CEP76: variants seen among roughly 807,000 people sequenced by gnomAD.
CEP76 encodes the protein centrosomal protein 76.
CEP76 carries 55 observed loss-of-function variants against 83.3 expected under a neutral mutation model. That is an observed-to-expected ratio of 0.66 (90% confidence interval 0.53 to 0.83). The LOEUF (loss-of-function observed/expected upper bound fraction) is 0.83, where lower values mean the gene tolerates loss of function less well. CEP76 is among the 40% of genes least tolerant of loss of function. The pLI is 0.00. For synonymous variants in CEP76, 270 were observed against 274.5 expected (o/e 0.98, Z 0.16); for missense variants, 694 against 799.5 (o/e 0.87, Z 1.59).
chr18:12,684,960 T>C (rs1279801309), intron 8 of CEP76: 4 of 152,098 alleles, frequency 2.6e-5, no homozygotes, highest in Non-Finnish European at 5.9e-5. Context: ...CAATTCAAGA[T>C]TTTTTTCTAT....
rs759087397 is a variant in CEP76 at position 12,700,967 on chromosome 18, ATTAAG to A, written c.205_209del (p.Leu69PhefsTer4). On this transcript the variant is annotated frameshift_variant, in exon 2 of 12. Transcript: ENST00000262127. LOFTEE classifies it high-confidence loss of function. ...CTAAAAGATTACTCACAGTAACAAA[ATTAAG>A]TTCTTTCATCACATCGTCAATGATT... 6.2e-7 allele frequency: 1 copy of A among 1,612,948 alleles called. No individual in the cohort carries two copies. Among genetic ancestry groups the A allele is most frequent in the Admixed American group, 1.7e-5 (1 of 59,852 alleles).
At chr18:12,681,125 G>A (rs1874829466) in intron 8 of CEP76, among the ~76,000 whole-genome samples, 2 of 151,396 alleles carry the variant, frequency 1.3e-5, no homozygotes, top group Admixed American at 6.6e-5. Context: ...GTGAACTTGG[G>A]AGGCGGAGGT....
intron 10 of CEP76, among the ~76,000 whole-genome samples, chr18:12,677,317 AATCCC>A (rs1188545591): frequency 1.3e-5 from 2 of 152,024 alleles, no homozygotes; most frequent in Non-Finnish European, 2.9e-5. Flanking sequence ...ACATGTCTAT[AATCCC>A]AGTTATTCAG....
chr18:12,673,722 A>C (rs45589535), intron 11 of CEP76, among the ~76,000 whole-genome samples: 181 of 151,878 alleles, frequency 1.2e-3, no homozygotes, highest in African/African-American at 4.3e-3. Context: ...TCTACTAAAA[A>C]TTACAAAAAT....
Position 12,700,012 on chromosome 18 carries a change from G to C in CEP76, c.220-107C>G. 3 of 569,128 alleles carry C rather than the reference G, an allele frequency of 5.3e-6. No individual in the cohort carries two copies. In the Admixed American group the frequency reaches 1.2e-4, roughly 23 times the overall value. 35.3% of individuals were successfully genotyped at this position (569,128 alleles called of 1,614,324 possible). A position where few individuals can be genotyped will look rare whatever the true frequency, so the allele number is the denominator to read the frequency against. On this transcript the variant is annotated intron_variant, in intron 2 of 11. Coordinates refer to ENST00000262127, the MANE Select transcript of CEP76 (RefSeq NM_024899.4). The stretch of plus-strand genomic sequence containing the variant: ...CTGAACCTAAAGTCAACAGGGTAAG[G>C]CCCTTTCAAAGAACCCCTTATTTTC...
At chr18:12,695,852 C>CCACACACACACACACACACA (rs375916938) in intron 5 of CEP76, among the ~76,000 whole-genome samples, 1 of 148,284 alleles carries the variant, frequency 6.7e-6, no homozygotes, top group African/African-American at 2.5e-5. Context: ...CATTCCTTCT[C>CCACACACACACACACACACA]CACACACACA....
At chr18:12,690,656 C>T (rs1038759766) in intron 7 of CEP76, among the ~76,000 whole-genome samples, 4 of 151,972 alleles carry the variant, frequency 2.6e-5, no homozygotes, top group Admixed American at 6.6e-5. Flanking sequence ...GGGGTTTCAC[C>T]GTGTTAGCCA....
chr18:12,699,326 AAG>A (rs1352162270), intron 3 of CEP76, 123 bp from the exon 4 acceptor site: 20 of 652,962 alleles, frequency 3.1e-5, no homozygotes, highest in African/African-American at 5.5e-5. Flanking sequence ...AAAAAAGCAA[AAG>A]AGTAACAAAT....
At chr18:12,682,794 G>A (rs2039397357) in intron 8 of CEP76, among the ~76,000 whole-genome samples, 1 of 151,468 alleles carries the variant, frequency 6.6e-6, no homozygotes, top group Non-Finnish European at 1.5e-5. Flanking sequence ...GCTAATTTTT[G>A]TATTTTTAGT....
intron 3 of CEP76, 142 bp downstream of exon 3, chr18:12,699,688 A>C: frequency 1.9e-6 from 1 of 536,698 alleles, no homozygotes; most frequent in Non-Finnish European, 3.3e-6. Flanking sequence ...CATGCAAAAC[A>C]ATCTGTTTTA....
rs776340224 is a variant in CEP76 at position 12,678,321 on chromosome 18, G to A, written c.1411C>T (p.Pro471Ser). The A allele has an allele frequency of 8.7e-6, 14 of 1,614,110 alleles. No homozygotes were observed. Among genetic ancestry groups the A allele is most frequent in the Non-Finnish European group, 1.2e-5 (14 of 1,180,018 alleles). Residue 471 changes from proline (P) to serine (S), a missense_variant, in exon 10 of 12, where the codon CCC (proline) becomes TCC (serine). Coordinates refer to ENST00000262127, the MANE Select transcript of CEP76 (RefSeq NM_024899.4). ...ACACAGGTTTCTACTGCATCAGAGG[G>A]TTGACAATTTCCCAGGAACATCTGA... ...NHQMFLGNCQ[P>S]SDAVETCVFD...
At chr18:12,669,733 G>GC (rs1381988882), downstream of CEP76, among the ~76,000 whole-genome samples, 2 of 152,088 alleles carry the variant, frequency 1.3e-5, no homozygotes, top group Non-Finnish European at 2.9e-5. Context: ...AGGCATGGTG[G>GC]CTCACGCCTG....
At chr18:12,673,706 C>A (rs1008620959) in intron 11 of CEP76, among the ~76,000 whole-genome samples, 2 of 151,940 alleles carry the variant, frequency 1.3e-5, no homozygotes, top group African/African-American at 4.8e-5. Flanking sequence ...ATAGTGAAAC[C>A]CCGCCTCTAC....
At chr18:12,665,268 G>A (rs943422621) in intron 12 of CEP76, 1 of 152,168 alleles carries the variant, frequency 6.6e-6, no homozygotes, top group African/African-American at 2.4e-5. Flanking sequence ...TTGTAGAAGG[G>A]TATAGGTAAA....
At chr18:12,664,272 G>A (rs1313009896) in intron 12 of CEP76, among the ~76,000 whole-genome samples, 1 of 152,100 alleles carries the variant, frequency 6.6e-6, no homozygotes, top group African/African-American at 2.4e-5. Context: ...GGCCGGGCAT[G>A]GTGGCTCACA....
At chr18:12,699,398 A>C (rs963823476) in intron 3 of CEP76, among the ~76,000 whole-genome samples, 195 bp from the exon 4 acceptor site, 3 of 152,202 alleles carry the variant, frequency 2.0e-5, no homozygotes, top group Admixed American at 6.6e-5. Context: ...AAAATATGAT[A>C]TTCTTTTCTG....
Position 12,699,148 on chromosome 18 carries a change from A to C in CEP76, c.351T>G (p.Ala117=). 6.2e-7 allele frequency: 1 copy of C among 1,614,152 alleles called. No homozygotes were observed. Among genetic ancestry groups the C allele is most frequent in the Non-Finnish European group, 8.5e-7 (1 of 1,179,998 alleles). Residue 117 remains alanine, a synonymous_variant, in exon 4 of 12, where the codon GCT becomes GCG. Coordinates refer to ENST00000262127, the MANE Select transcript of CEP76 (RefSeq NM_024899.4). ...YLYLQVLGGK[A]FLEHLQEPEP... ...CAGGTTCTTGCAGATGTTCCAAGAA[A>C]GCTTTTCCACCCAAAACCTGAAGGT...
chr18:12,689,745 T>C (rs531550088), intron 7 of CEP76, among the ~76,000 whole-genome samples: 3 of 152,152 alleles, frequency 2.0e-5, no homozygotes, highest in African/African-American at 4.8e-5. Context: ...TCAGACTATA[T>C]AGACAGCAGG....
intron 10 of CEP76, among the ~76,000 whole-genome samples, chr18:12,675,524 G>A (rs999243692): frequency 5.9e-5 from 9 of 152,082 alleles, no homozygotes; most frequent in African/African-American, 2.2e-4. Flanking sequence ...AATTCTATGT[G>A]ATTAAACAAA....
Sources: gnomAD v4.1 joint callset for allele counts (sites outside exome capture counted in the v4.1 genomes callset) on GRCh38, gnomAD v4.1.1 for gene constraint, MANE v1.5 for transcripts, NCBI Gene and HGNC (gene_info 2026-07-23, HGNC 2026-07-21) for gene names.